GSE1: variants seen among roughly 807,000 people sequenced by gnomAD.
GSE1 encodes the protein genetic suppressor element 1.
GSE1 carries 32 observed loss-of-function variants against 112.6 expected under a neutral mutation model. The observed-to-expected ratio is 0.28, with a 90% CI of 0.21 to 0.38. The LOEUF (loss-of-function observed/expected upper bound fraction) is 0.38, where lower values mean the gene tolerates loss of function less well. GSE1 is among the 10% of genes least tolerant of loss of function. GSE1 has a pLI of 1.00. For missense variants in GSE1, 2,348 were observed against 1,699.2 expected, an observed-to-expected ratio of 1.38 and a Z score of -6.71; for synonymous variants, 1,115 against 735.6, an observed-to-expected ratio of 1.52 and a Z score of -8.35.
At chr16:85,670,253 AT>A (rs1180858048) in intron 14 of GSE1, among the ~76,000 whole-genome samples, 1 of 152,064 alleles carries the variant, frequency 6.6e-6, no homozygotes, top group African/African-American at 2.4e-5. Context: ...TTCCTTTTGA[AT>A]TTGTCTGATT....
intron 1 of GSE1, among the ~76,000 whole-genome samples, chr16:85,623,638 TGCAGG>T (rs1175874663): frequency 6.6e-6 from 1 of 152,176 alleles, no homozygotes; most frequent in East Asian, 1.9e-4. Flanking sequence ...CCCCGGTGCC[TGCAGG>T]CAGGCACACT....
chr16:85,210,720 A>G (rs1199976351), intron 1 of GSE1, among the ~76,000 whole-genome samples: 1 of 152,246 alleles, frequency 6.6e-6, no homozygotes, highest in Non-Finnish European at 1.5e-5. Flanking sequence ...GGGAAGCTGC[A>G]TGAGGCTGTG....
rs189893608 is a variant in GSE1 at position 85,606,050 on chromosome 16, C to T, written c.38-42502C>T. 3.3e-3 allele frequency among the ~76,000 whole-genome samples: 508 copies of T among 152,302 alleles called. 1 individual carries two copies. The highest frequency in any genetic ancestry group is 5.8e-3 in the Non-Finnish European group (393 of 68,034). The stretch of plus-strand genomic sequence containing the variant: ...GTGCCCATCGGGCTTGGCCGCCAGC[C>T]CCTGCCCTCCTTCTCACCTCCACCA... On this transcript the variant is annotated intron_variant, in intron 1 of 2. Coordinates refer to the GSE1 transcript ENST00000635906.
At chr16:85,546,434 C>G (rs1427165678) in intron 2 of GSE1, among the ~76,000 whole-genome samples, 1 of 152,148 alleles carries the variant, frequency 6.6e-6, no homozygotes, top group Admixed American at 6.5e-5. Context: ...GAGGCTCAAC[C>G]TCTCAGGGGT....
In GSE1 at chr16:85,672,389, A is replaced by G; in HGVS notation, c.3520-16A>G. 3 of 1,604,100 alleles carry G rather than the reference A, an allele frequency of 1.9e-6. No individual in the cohort carries two copies. The highest frequency in any genetic ancestry group is 2.6e-6 in the Non-Finnish European group (3 of 1,171,826). ...AGGAAACGGGTTGGTTTTGACACAAATTTCCCTCTCTCCAGGAGTTGAGGA... is the reference window on the plus strand; with the variant it reads ...AGGAAACGGGTTGGTTTTGACACAAGTTTCCCTCTCTCCAGGAGTTGAGGA... On this transcript the variant is annotated splice_polypyrimidine_tract_variant and intron_variant, in intron 15 of 15. Transcript: ENST00000253458.
At chr16:85,436,873 A>G (rs1446786680) in intron 2 of GSE1, among the ~76,000 whole-genome samples, 1 of 152,072 alleles carries the variant, frequency 6.6e-6, no homozygotes, top group Non-Finnish European at 1.5e-5. Flanking sequence ...CATCCCACGC[A>G]GTGGGCGGCC....
chr16:85,267,868 AAC>A (rs1908414771), intron 1 of GSE1, among the ~76,000 whole-genome samples: 1 of 152,186 alleles, frequency 6.6e-6, no homozygotes, highest in African/African-American at 2.4e-5. Flanking sequence ...GCCAGATTCA[AAC>A]CCCAGCTCTG....
exon 1 of GSE1, chr16:85,169,612 T>G: frequency 1.0e-6 from 1 of 982,240 alleles, no homozygotes; most frequent in Non-Finnish European, 1.2e-6. Context: ...GCCGCTCTCC[T>G]GCTTCATCTG....
At chr16:85,626,925 G>C (rs1278416737) in intron 1 of GSE1, among the ~76,000 whole-genome samples, 1 of 151,858 alleles carries the variant, frequency 6.6e-6, no homozygotes, top group African/African-American at 2.4e-5. Flanking sequence ...ACAGCAGGCA[G>C]ACCGGTTTGG....
At chr16:85,649,979 G>A (rs1047816936) in intron 3 of GSE1, among the ~76,000 whole-genome samples, 8 of 152,238 alleles carry the variant, frequency 5.3e-5, no homozygotes, top group East Asian at 1.9e-4. Flanking sequence ...TGGGAGCTCC[G>A]GACTGGGACC....
intron 2 of GSE1, among the ~76,000 whole-genome samples, chr16:85,365,301 G>A (rs748027752): frequency 2.0e-5 from 3 of 152,178 alleles, no homozygotes; most frequent in Admixed American, 6.5e-5. Flanking sequence ...GACAGCACAC[G>A]CCCAGGGCCA....
In GSE1 at chr16:85,633,022, C is replaced by CGCCGCT. The variant is rs964388273; in HGVS notation, c.8-887_8-886insTGCCGC. ...GGGCTCAGACCTCTGGTGCCGCCGCCGCCGCCGCTGTCACCACTGGCCGGG... is the reference window on the plus strand; with the variant it reads ...GGGCTCAGACCTCTGGTGCCGCCGCCGCCGCTGCCGCCGCTGTCACCACTGGCCGGG... On this transcript the variant is annotated intron_variant, in intron 1 of 15. Transcript: ENST00000253458. Among the ~76,000 whole-genome samples, 17 of 152,298 alleles carry CGCCGCT rather than the reference C, an allele frequency of 1.1e-4. No homozygotes were observed. In the East Asian group the frequency reaches 1.4e-3, roughly 12 times the overall value.
At position 85,598,028 on chromosome 16, in the gene GSE1, T is replaced by C. The variant is rs181498082; in HGVS notation, c.37+41665T>C. 4.5e-3 allele frequency among the ~76,000 whole-genome samples: 689 copies of C among 152,146 alleles called. 2 individuals are homozygous for C. The highest frequency in any genetic ancestry group is 7.6e-3 in the Non-Finnish European group (514 of 67,996). On this transcript the variant is annotated intron_variant, in intron 1 of 2. Coordinates refer to the GSE1 transcript ENST00000635906. The stretch of plus-strand genomic sequence containing the variant: ...GAAAATGGAACATAAAATACCAAAA[T>C]GACTGGTGCACTGAAGAAGCGATTC...
At chr16:85,627,579 C>G (rs1475997184) in intron 1 of GSE1, among the ~76,000 whole-genome samples, 1 of 152,036 alleles carries the variant, frequency 6.6e-6, no homozygotes, top group African/African-American at 2.4e-5. Context: ...GGGTGGGGGC[C>G]TCGCAGACCT....
rs1335948689 is a variant in GSE1 at position 85,348,147 on chromosome 16, T to A, written c.2284-9316T>A. Among the ~76,000 whole-genome samples, 4 of 152,076 alleles carry A rather than the reference T, an allele frequency of 2.6e-5. No homozygotes were observed. In the East Asian group the frequency reaches 7.7e-4, roughly 29 times the overall value. On this transcript the variant is annotated intron_variant, in intron 1 of 2. Coordinates refer to the GSE1 transcript ENST00000637419. ...CAAGTTTGGCCAGGCCACCTACCTG[T>A]CCTCCATCCATCCATCATCCATCCA...
chr16:85,493,287 A>G (rs1483724026), intron 2 of GSE1, among the ~76,000 whole-genome samples: 2 of 151,908 alleles, frequency 1.3e-5, no homozygotes, highest in Admixed American at 6.6e-5. Context: ...CCATTTCTAT[A>G]ACAAAATAAT....
intron 2 of GSE1, among the ~76,000 whole-genome samples, chr16:85,470,357 C>A (rs1226570316): frequency 6.6e-6 from 1 of 152,194 alleles, no homozygotes; most frequent in Non-Finnish European, 1.5e-5. Context: ...CTCAGCACAC[C>A]ACTGGGCAGA....
intron 1 of GSE1, among the ~76,000 whole-genome samples, chr16:85,572,751 G>C (rs2151339642): frequency 6.6e-6 from 1 of 152,334 alleles, no homozygotes; most frequent in African/African-American, 2.4e-5. Flanking sequence ...ACCTCATCCG[G>C]GAAAGGGGAG....
intron 2 of GSE1, among the ~76,000 whole-genome samples, chr16:85,424,703 T>C (rs1050504158): frequency 3.9e-5 from 6 of 152,246 alleles, no homozygotes; most frequent in African/African-American, 1.4e-4. Context: ...CTAATGTTCC[T>C]GCGCCCAGCA....
Sources: gnomAD v4.1 joint callset for allele counts (sites outside exome capture counted in the v4.1 genomes callset) on GRCh38, gnomAD v4.1.1 for gene constraint, MANE v1.5 for transcripts, NCBI Gene and HGNC (gene_info 2026-07-23, HGNC 2026-07-21) for gene names.